The following AQR variants were observed in gnomAD, a reference collection of about 807,000 sequenced individuals.
AQR encodes aquarius intron-binding spliceosomal factor.
A neutral mutation model predicts 180.5 loss-of-function variants in AQR; 61 were observed. The observed-to-expected ratio is 0.34, with a 90% CI of 0.28 to 0.42. The LOEUF (loss-of-function observed/expected upper bound fraction) is 0.42, where lower values mean the gene tolerates loss of function less well. Ranked by LOEUF, AQR falls within the 10% of genes least tolerant of loss-of-function variation. The pLI is 1.00. For missense variants in AQR, 1,281 were observed against 1,798.3 expected, an observed-to-expected ratio of 0.71 and a Z score of 5.20; for synonymous variants, 551 against 588.8, an observed-to-expected ratio of 0.94 and a Z score of 0.93.
chr15:34,960,331 T>C (rs1020525804), intron 3 of AQR, among the ~76,000 whole-genome samples: 13 of 152,244 alleles, frequency 8.5e-5, no homozygotes, highest in Non-Finnish European at 1.5e-5. Flanking sequence ...AGATGATTTA[T>C]TGAAACTCAC....
chr15:34,906,817 A>T, intron 17 of AQR, 105 bp from the exon 18 acceptor site: 1 of 1,101,140 alleles, frequency 9.1e-7, no homozygotes, highest in Non-Finnish European at 1.3e-6. Flanking sequence ...TGGTAGAGAG[A>T]TACCGTTGAG....
At chr15:34,963,906 C>A (rs986337404) in intron 2 of AQR, among the ~76,000 whole-genome samples, 1 of 152,114 alleles carries the variant, frequency 6.6e-6, no homozygotes, top group Non-Finnish European at 1.5e-5. Flanking sequence ...TTGTGATCCA[C>A]TGGCCTTGGC....
intron 17 of AQR, among the ~76,000 whole-genome samples, chr15:34,907,212 G>A (rs8031677): frequency 0.77 from 116,776 of 152,144 alleles, 45,457 homozygotes; most frequent in Middle Eastern, 0.87. Flanking sequence ...TTGTTTACAG[G>A]TATGATCTTG....
intron 13 of AQR, among the ~76,000 whole-genome samples, chr15:34,925,480 G>T (rs1181083965): frequency 6.6e-6 from 1 of 152,186 alleles, no homozygotes; most frequent in Non-Finnish European, 1.5e-5. Flanking sequence ...CTGCTTCTAG[G>T]AATCAGTACG....
In AQR at chr15:34,920,429, T is replaced by C; in HGVS notation, c.1124A>G (p.Asn375Ser). ...GTATGATGCCACCTGGTGGAGTGTG[T>C]TTGAACTGCAGAATAGAGAACAATA... Reference protein sequence around the residue: ...LVKFFGPLSSNTLHQVASYLC... With the variant: ...LVKFFGPLSSSTLHQVASYLC... Residue 375 changes from asparagine (N) to serine (S), a missense_variant, in exon 14 of 35, where the codon AAC (asparagine) becomes AGC (serine). Coordinates refer to ENST00000156471, the MANE Select transcript of AQR (RefSeq NM_014691.3). 6.2e-7 allele frequency: 1 copy of C among 1,609,394 alleles called. No individual in the cohort carries two copies. Among genetic ancestry groups the C allele is most frequent in the Non-Finnish European group, 8.5e-7 (1 of 1,176,932 alleles).
In AQR at chr15:34,861,575, T is replaced by C. The variant is rs548495002; in HGVS notation, c.4029+1292A>G. Among the ~76,000 whole-genome samples, 175 of 152,318 alleles carry C rather than the reference T, an allele frequency of 1.1e-3. 1 individual carries two copies. Among genetic ancestry groups the C allele is most frequent in the African/African-American group, 4.0e-3 (166 of 41,560 alleles). ...TCAGGTGTGACATGTAGCCCTTACA[T>C]AGAAAGCACGTGGGGAGCTTGTTAC... On this transcript the variant is annotated intron_variant, in intron 33 of 34. Transcript: ENST00000156471.
Position 34,895,224 on chromosome 15 carries a change from A to C in AQR, c.2461-1451T>G, listed in dbSNP as rs1566984272. ...TATATATATATATATATATATATGA[A>C]ACAAATAAAAACATAATACTCAAAA... On this transcript the variant is annotated intron_variant, in intron 22 of 34. Transcript: ENST00000156471. Among the ~76,000 whole-genome samples, 5 of 118,698 alleles carry C rather than the reference A, an allele frequency of 4.2e-5. 1 individual carries two copies. Among genetic ancestry groups the C allele is most frequent in the Non-Finnish European group, 8.8e-5 (5 of 56,600 alleles). The allele number at this position is 118,698 out of a possible 152,430, so 77.9% of individuals were successfully genotyped here.
At chr15:34,946,060 C>T (rs574150956) in intron 5 of AQR, among the ~76,000 whole-genome samples, 1 of 152,270 alleles carries the variant, frequency 6.6e-6, no homozygotes, top group South Asian at 2.1e-4. Flanking sequence ...CATCTAAGGT[C>T]AGGAGTTTGA....
intron 4 of AQR, 116 bp downstream of exon 4, chr15:34,952,769 A>G (rs1360394418): frequency 1.4e-6 from 1 of 735,024 alleles, no homozygotes; most frequent in African/African-American, 1.8e-5. Context: ...CAATCACAGA[A>G]ATATAAATCT....
intron 2 of AQR, among the ~76,000 whole-genome samples, chr15:34,962,460 T>G (rs1483656249): frequency 1.3e-5 from 2 of 152,066 alleles, no homozygotes; most frequent in African/African-American, 4.8e-5. Flanking sequence ...AATTTCAAAT[T>G]AAATAATAAA....
chr15:34,910,298 G>A lies in AQR; in HGVS notation c.1500C>T (p.Gly500=), dbSNP rs1330930038. The change falls in exon 17 of 35, where the codon GGC becomes GGT. Residue 500 remains glycine, a synonymous_variant. Coordinates refer to ENST00000156471, the MANE Select transcript of AQR (RefSeq NM_014691.3). ...GCGCCCAACCACCAAACACTACACC[G>A]CCATATTCAGATTGCCTGAAACCAA... ...SRMKPWQSEY[G]GVVFGGWARM... is the part of the protein sequence containing the mutation. The A allele has an allele frequency of 6.8e-6, 11 of 1,612,898 alleles. No individual in the cohort carries two copies. Among genetic ancestry groups the A allele is most frequent in the Admixed American group, 6.7e-5 (4 of 59,768 alleles).
chr15:34,961,606 C>A (rs2050279281), intron 2 of AQR, among the ~76,000 whole-genome samples: 1 of 124,842 alleles, frequency 8.0e-6, no homozygotes, highest in African/African-American at 3.2e-5. Flanking sequence ...GAGCGAGACT[C>A]CATCTCAAAA....
At chr15:34,939,409 A>G (rs998322216) in intron 8 of AQR, among the ~76,000 whole-genome samples, 2 of 152,182 alleles carry the variant, frequency 1.3e-5, no homozygotes, top group Admixed American at 1.3e-4. Context: ...TGTGATTTAC[A>G]AGTCAGACCG....
chr15:34,924,435 CT>C (rs1225763729), intron 13 of AQR, among the ~76,000 whole-genome samples: 258 of 145,010 alleles, frequency 1.8e-3, no homozygotes, highest in Admixed American at 2.1e-3. Flanking sequence ...AATCAATATA[CT>C]TTTTTTTTTT....
At chr15:34,869,201 T>C (rs922401299) in intron 31 of AQR, 1 of 152,088 alleles carries the variant, frequency 6.6e-6, no homozygotes, top group Admixed American at 6.5e-5. Flanking sequence ...ATTTTACCCA[T>C]TCTTTTGGGT....
intron 1 of AQR, among the ~76,000 whole-genome samples, chr15:34,967,103 C>T (rs181168610): frequency 7.8e-4 from 119 of 151,668 alleles, no homozygotes; most frequent in African/African-American, 2.8e-3. Flanking sequence ...CTCGAACTCC[C>T]GACCTCAGGT....
At position 34,862,930 on chromosome 15, in the gene AQR, C is replaced by T. The variant is rs1230878476; in HGVS notation, c.3966G>A (p.Gln1322=). The stretch of plus-strand genomic sequence containing the variant: ...GCAAATGAAGGGGGCGAGCTGTGAG[C>T]TGACTGAAAGCTGGAGTCAGTTCAA... ...NCFELTPAFS[Q]LTARPLHLHI... Residue 1322 remains glutamine (Q), a synonymous_variant, in exon 33 of 35, where the codon CAG becomes CAA. Coordinates refer to ENST00000156471, the MANE Select transcript of AQR (RefSeq NM_014691.3). The T allele has an allele frequency of 6.2e-7, 1 of 1,613,756 alleles. No homozygotes were observed. The highest frequency in any genetic ancestry group is 1.3e-5 in the African/African-American group (1 of 74,878).
intron 3 of AQR, among the ~76,000 whole-genome samples, chr15:34,960,197 A>C (rs1199611178): frequency 6.6e-6 from 1 of 152,218 alleles, no homozygotes; most frequent in Admixed American, 6.5e-5. Flanking sequence ...TTTTTAAAAG[A>C]AGCATGATGA....
intron 5 of AQR, among the ~76,000 whole-genome samples, chr15:34,947,500 T>G: frequency 8.5e-6 from 1 of 117,782 alleles, no homozygotes; most frequent in African/African-American, 3.1e-5. Flanking sequence ...CACCCAAGAA[T>G]GATCAATAAA....
Sources: gnomAD v4.1 joint callset for allele counts (sites outside exome capture counted in the v4.1 genomes callset) on GRCh38, gnomAD v4.1.1 for gene constraint, MANE v1.5 for transcripts, NCBI Gene and HGNC (gene_info 2026-07-23, HGNC 2026-07-21) for gene names.